COL22A1: variants seen among roughly 807,000 people sequenced by gnomAD.
COL22A1 encodes collagen alpha-1(XXII) chain.
COL22A1 carries 221 observed loss-of-function variants against 248.9 expected under a neutral mutation model. That is an observed-to-expected ratio of 0.89 (90% CI 0.80 to 0.99). The LOEUF (loss-of-function observed/expected upper bound fraction) is 0.99. Ranked by LOEUF, COL22A1 falls within the 50% of genes least tolerant of loss-of-function variation. The probability of loss-of-function intolerance (pLI) is 0.00; values close to 1 mark genes in which losing one functional copy is unlikely to be tolerated. For missense variants in COL22A1, 2,240 were observed against 2,179.0 expected (o/e 1.03, Z -0.56); for synonymous variants, 891 against 793.4 (o/e 1.12, Z -2.07).
chr8:138,694,225 CAGG>C (rs902198388), intron 34 of COL22A1, among the ~76,000 whole-genome samples: 2 of 152,212 alleles, frequency 1.3e-5, no homozygotes, highest in Non-Finnish European at 2.9e-5. Context: ...TCCCGCTGAG[CAGG>C]AGAAGGGAGA....
intron 63 of COL22A1, among the ~76,000 whole-genome samples, chr8:138,591,913 A>T (rs1587615456): frequency 6.6e-6 from 1 of 152,244 alleles, no homozygotes; most frequent in East Asian, 1.9e-4. Flanking sequence ...ACACTCTCTC[A>T]TATGCCGTAC....
chr8:138,861,399 T>C (rs1052106153), intron 3 of COL22A1, among the ~76,000 whole-genome samples: 4 of 152,204 alleles, frequency 2.6e-5, no homozygotes, highest in African/African-American at 9.7e-5. Flanking sequence ...ACAAAAGAGC[T>C]GGCAAGTCAG....
intron 12 of COL22A1, among the ~76,000 whole-genome samples, chr8:138,783,959 A>C (rs1010436687): frequency 2.6e-5 from 4 of 152,184 alleles, no homozygotes; most frequent in Non-Finnish European, 4.4e-5. Context: ...CCCAGAGCCC[A>C]TGCAGGGAGA....
At chr8:138,792,301 G>A (rs1241654418) in intron 12 of COL22A1, among the ~76,000 whole-genome samples, 1 of 152,142 alleles carries the variant, frequency 6.6e-6, no homozygotes, top group East Asian at 1.9e-4. Context: ...AACTCTACCT[G>A]CAATATTAAT....
chr8:138,787,073 T>C (rs1050648679), intron 12 of COL22A1, among the ~76,000 whole-genome samples: 1 of 152,188 alleles, frequency 6.6e-6, no homozygotes, highest in Non-Finnish European at 1.5e-5. Flanking sequence ...TTGCAGACTA[T>C]GAAGTATTAT....
chr8:138,809,528 C>CTT (rs71518485), intron 9 of COL22A1, among the ~76,000 whole-genome samples: 12 of 117,630 alleles, frequency 1.0e-4, no homozygotes, highest in African/African-American at 2.7e-4. Context: ...TTTTCTTTTT[C>CTT]TTTTTTTTTT....
At chr8:138,812,080 G>A (rs997882636) in intron 8 of COL22A1, among the ~76,000 whole-genome samples, 159 bp from the exon 9 acceptor site, 10 of 152,180 alleles carry the variant, frequency 6.6e-5, no homozygotes, top group African/African-American at 1.2e-4. Context: ...AAGCCTGGCC[G>A]GCCCAGGCTC....
chr8:138,852,838 A>C (rs1459324830), intron 3 of COL22A1, among the ~76,000 whole-genome samples: 1 of 152,012 alleles, frequency 6.6e-6, no homozygotes, highest in Admixed American at 6.6e-5. Context: ...CCAATTCTTA[A>C]ATGTCAAATG....
rs1287189386 is a variant in COL22A1 at position 138,589,033 on chromosome 8, A to G, written c.*220T>C. On this transcript the variant is annotated 3_prime_UTR_variant, in exon 65 of 65. Transcript: ENST00000303045. Reference sequence around the variant, plus strand: ...GCATATGAAATAATAATAATAATTAACAACAACAATAATATTAATAATAAT... The same window carrying G: ...GCATATGAAATAATAATAATAATTAGCAACAACAATAATATTAATAATAAT... 1 of 470,640 alleles carries G rather than the reference A, an allele frequency of 2.1e-6. No homozygotes were observed. The highest frequency in any genetic ancestry group is 3.7e-6 in the Non-Finnish European group (1 of 269,398). 29.2% of individuals were successfully genotyped at this position (470,640 alleles called of 1,614,324 possible).
At chr8:138,910,899 G>A (rs1563916000) in intron 1 of COL22A1, among the ~76,000 whole-genome samples, 1 of 152,122 alleles carries the variant, frequency 6.6e-6, no homozygotes, top group Non-Finnish European at 1.5e-5. Flanking sequence ...CATGGTCCTG[G>A]CCCATAGTAA....
chr8:138,803,067 C>T (rs752765728), intron 10 of COL22A1, 133 bp from the exon 11 acceptor site: 33 of 738,356 alleles, frequency 4.5e-5, no homozygotes, highest in African/African-American at 1.0e-4. Flanking sequence ...ATTTCTGCAA[C>T]GAGGCCACAT....
chr8:138,737,494 G>T lies in COL22A1; in HGVS notation c.2139+30C>A, dbSNP rs373054303. 5 of 1,524,572 alleles carry T rather than the reference G, an allele frequency of 3.3e-6. No individual in the cohort carries two copies. In the African/African-American group the frequency reaches 6.8e-5, roughly 21 times the overall value. The allele number at this position is 1,524,572 out of a possible 1,614,324, so 94.4% of individuals were successfully genotyped here. On this transcript the variant is annotated intron_variant, in intron 23 of 64. Transcript: ENST00000303045. Reference sequence around the variant, plus strand: ...TATTTAATCAGAGAAAAGCAGCGTTGCTATGGAAGAGAATGTAAAAGGTAG... The same window carrying T: ...TATTTAATCAGAGAAAAGCAGCGTTTCTATGGAAGAGAATGTAAAAGGTAG...
chr8:138,652,735 G>GGTTTTTTTT (rs1822856970), intron 45 of COL22A1, among the ~76,000 whole-genome samples: 1 of 54,244 alleles, frequency 1.8e-5, no homozygotes, highest in Non-Finnish European at 3.5e-5. Flanking sequence ...TCCTTTTCTG[G>GGTTTTTTTT]TTTTTTTTTT....
intron 3 of COL22A1, among the ~76,000 whole-genome samples, chr8:138,855,348 T>C (rs34547194): frequency 0.46 from 70,445 of 152,112 alleles, 18,443 homozygotes; most frequent in East Asian, 0.74. Context: ...AAGCCCCTCA[T>C]CCAAAGTCAC....
chr8:138,596,782 T>G (rs1045210326), intron 62 of COL22A1, 122 bp downstream of exon 62: 2 of 845,300 alleles, frequency 2.4e-6, no homozygotes, highest in Admixed American at 3.9e-5. Context: ...CCTGATAGTC[T>G]ACACTTGAGC....
chr8:138,672,301 C>T (rs573771925), intron 41 of COL22A1, among the ~76,000 whole-genome samples: 160 of 152,308 alleles, frequency 1.1e-3, no homozygotes, highest in Admixed American at 4.1e-3. Flanking sequence ...GAGAGGTAGA[C>T]ATGGAGGCCT....
chr8:138,690,844 G>C lies in COL22A1; in HGVS notation c.2785C>G (p.Pro929Ala). 1.2e-6 allele frequency: 2 copies of C among 1,610,682 alleles called. No homozygotes were observed. The highest frequency in any genetic ancestry group is 1.7e-6 in the Non-Finnish European group (2 of 1,178,502). The change falls in exon 36 of 65, where the codon CCC becomes GCC. Residue 929 changes from proline to alanine, a missense_variant. Physicochemically the swap from Pro to Ala is conservative, Grantham distance 27. Coordinates refer to ENST00000303045, the MANE Select transcript of COL22A1 (RefSeq NM_152888.3). ...GAPGHVGAPGPSGPPGSVGAP... is the reference protein window; with the variant it reads ...GAPGHVGAPGASGPPGSVGAP... ...ACCACACTTCCTGGAGGGCCACTGG[G>C]ACCGGGGGCACCGACATGTCCGGGA...
chr8:138,744,057 G>T (rs932295396), intron 22 of COL22A1, among the ~76,000 whole-genome samples: 2 of 152,288 alleles, frequency 1.3e-5, no homozygotes, highest in African/African-American at 2.4e-5. Flanking sequence ...AACCAGGTGC[G>T]CAGGGAAAAC....
chr8:138,896,705 G>A (rs1436451906), intron 1 of COL22A1, among the ~76,000 whole-genome samples: 1 of 152,178 alleles, frequency 6.6e-6, no homozygotes, highest in African/African-American at 2.4e-5. Flanking sequence ...AGACGCGGTG[G>A]CTTATGCTTG....
Sources: gnomAD v4.1 joint callset for allele counts (sites outside exome capture counted in the v4.1 genomes callset) on GRCh38, gnomAD v4.1.1 for gene constraint, MANE v1.5 for transcripts, NCBI Gene and HGNC (gene_info 2026-07-23, HGNC 2026-07-21) for gene names.